The following GBP7 variants were observed in gnomAD, a reference collection of about 807,000 sequenced individuals.
GBP7 encodes guanylate-binding protein 7.
Under a neutral mutation model 61.3 loss-of-function variants are expected in GBP7, and 43 were observed. The observed-to-expected ratio is 0.70, with a 90% CI of 0.55 to 0.91. The LOEUF (loss-of-function observed/expected upper bound fraction) is 0.91, where lower values mean the gene tolerates loss of function less well. Ranked by LOEUF, GBP7 falls within the 40% of genes least tolerant of loss-of-function variation. GBP7 has a pLI of 0.00. For synonymous variants in GBP7, 267 were observed against 271.0 expected, an observed-to-expected ratio of 0.99 and a Z score of 0.14; for missense variants, 717 against 740.5, an observed-to-expected ratio of 0.97 and a Z score of 0.37.
chr1:89,136,952 T>TA (rs1681817947), intron 9 of GBP7, among the ~76,000 whole-genome samples: 1 of 151,286 alleles, frequency 6.6e-6, no homozygotes, highest in South Asian at 2.1e-4. Flanking sequence ...ATAAACACAA[T>TA]AAAAAAATGG....
At chr1:89,163,487 T>C (rs552831609) in intron 3 of GBP7, among the ~76,000 whole-genome samples, 1 of 152,214 alleles carries the variant, frequency 6.6e-6, no homozygotes, top group South Asian at 2.1e-4. Flanking sequence ...TCTTCCCAGT[T>C]AAGTCTTGAG....
At chr1:89,141,677 G>T in intron 8 of GBP7, 29 bp from the exon 9 acceptor site, 1 of 1,557,924 alleles carries the variant, frequency 6.4e-7, no homozygotes, top group Non-Finnish European at 8.9e-7. Flanking sequence ...GCAAAGACCT[G>T]TCAGGCAGCA....
chr1:89,132,193 A>G lies in GBP7; in HGVS notation c.1873T>C (p.Leu625=). The change falls in exon 11 of 11, where the codon TTA becomes CTA. Residue 625 remains leucine (L), a synonymous_variant. Coordinates refer to ENST00000294671, the MANE Select transcript of GBP7 (RefSeq NM_207398.3). The part of the protein sequence containing the change: ...VDLGMKILSS[L]CNRLRNPGKK... Reference sequence around the variant, plus strand: ...CCAGGATTTCTCAGCCTATTACATAATGAGCTAAGAATTTTCATTCCTAAA... The same window carrying G: ...CCAGGATTTCTCAGCCTATTACATAGTGAGCTAAGAATTTTCATTCCTAAA... 13 of 1,613,110 alleles carry G rather than the reference A, an allele frequency of 8.1e-6. No homozygotes were observed. The highest frequency in any genetic ancestry group is 1.3e-5 in the African/African-American group (1 of 75,024).
intron 6 of GBP7, among the ~76,000 whole-genome samples, chr1:89,149,856 G>GAA (rs59262730): frequency 6.2e-5 from 9 of 144,086 alleles, no homozygotes; most frequent in African/African-American, 1.8e-4. Flanking sequence ...AGGGTTTCTT[G>GAA]AAAAAAAAAA....
At chr1:89,153,341 A>G (rs1682246616) in intron 3 of GBP7, among the ~76,000 whole-genome samples, 1 of 152,200 alleles carries the variant, frequency 6.6e-6, no homozygotes, top group African/African-American at 2.4e-5. Context: ...GATCATGTTA[A>G]AGTCAAGCTG....
intron 3 of GBP7, among the ~76,000 whole-genome samples, chr1:89,159,699 AAGTC>A (rs1457729796): frequency 6.6e-6 from 1 of 152,236 alleles, no homozygotes; most frequent in Non-Finnish European, 1.5e-5. Context: ...AATCATTAAA[AAGTC>A]AGGAAACAAC....
At position 89,131,890 on chromosome 1, in the gene GBP7, T is replaced by C. The variant is rs1681684631; in HGVS notation, c.*259A>G. 3.4e-6 allele frequency: 1 copy of C among 294,108 alleles called. No homozygotes were observed. Among genetic ancestry groups the C allele is most frequent in the South Asian group, 8.5e-5 (1 of 11,784 alleles). The allele number at this position is 294,108 out of a possible 1,614,324, so 18.2% of individuals were successfully genotyped here. A position where few individuals can be genotyped will look rare whatever the true frequency, so the allele number is the denominator to read the frequency against. On this transcript the variant is annotated 3_prime_UTR_variant, in exon 11 of 11. Transcript: ENST00000294671. ...ATTATCTCTGTGACTATAACATTAA[T>C]TGAAAATAATTTCTTTATATTACCA...
rs781276228 is a variant in GBP7 at position 89,147,677 on chromosome 1, C to T, written c.1255G>A (p.Glu419Lys). The change falls in exon 8 of 11, where the codon GAA (glutamate) becomes AAA (lysine). Residue 419 changes from glutamate (E) to lysine (K), a missense_variant. This residue lies in a region of GBP7 where 312 missense variants were observed against 310.1 expected (regional missense o/e 1.01). Transcript: ENST00000294671. The stretch of plus-strand genomic sequence containing the variant: ...AAGAAAGTTCCTCTTGAAATACTTT[C>T]TGTCAAGAGCTCTGAAAGCCGCTTA... ...ELKRLSELLT[E>K]SISRGTFFVP... 6.2e-7 allele frequency: 1 copy of T among 1,614,158 alleles called. No individual in the cohort carries two copies. Among genetic ancestry groups the T allele is most frequent in the Non-Finnish European group, 8.5e-7 (1 of 1,179,996 alleles).
At chr1:89,149,865 A>C (rs1032618934) in intron 6 of GBP7, among the ~76,000 whole-genome samples, 35 of 152,206 alleles carry the variant, frequency 2.3e-4, no homozygotes, top group Admixed American at 2.3e-3. Context: ...TGAAAAAAAA[A>C]AACTTTTCTG....
intron 7 of GBP7, among the ~76,000 whole-genome samples, 190 bp downstream of exon 7, chr1:89,149,102 T>C (rs553970183): frequency 6.6e-6 from 1 of 152,270 alleles, no homozygotes; most frequent in Non-Finnish European, 1.5e-5. Context: ...TTCTTATGCA[T>C]GATAGAAAAT....
intron 3 of GBP7, among the ~76,000 whole-genome samples, chr1:89,153,001 A>G (rs551467831): frequency 1.3e-5 from 2 of 152,344 alleles, no homozygotes; most frequent in African/African-American, 4.8e-5. Flanking sequence ...TATTTGCCCT[A>G]AAAATATTGT....
chr1:89,160,195 A>G (rs1035935051), intron 3 of GBP7, among the ~76,000 whole-genome samples: 1 of 152,166 alleles, frequency 6.6e-6, no homozygotes, highest in Non-Finnish European at 1.5e-5. Context: ...GGAACATCAC[A>G]CACTGGGGCC....
In GBP7 at chr1:89,152,259, C is replaced by T. The variant is rs777770450; in HGVS notation, c.625+9G>A. 2.5e-6 allele frequency: 4 copies of T among 1,612,720 alleles called. No homozygotes were observed. The highest frequency in any genetic ancestry group is 1.7e-5 in the Admixed American group (1 of 59,996). ...TGAACCTTCTCCCATCTAGGCCATG[C>T]TCTGATACCTGAAATCAGCTTCAAG... On this transcript the variant is annotated intron_variant, in intron 5 of 10. Coordinates refer to ENST00000294671, the MANE Select transcript of GBP7 (RefSeq NM_207398.3).
At chr1:89,158,284 C>T (rs556991393) in intron 3 of GBP7, among the ~76,000 whole-genome samples, 1 of 152,298 alleles carries the variant, frequency 6.6e-6, no homozygotes, top group African/African-American at 2.4e-5. Context: ...GGAAGCATTC[C>T]CTTTGAAAAG....
chr1:89,139,142 A>C (rs1230432058), intron 9 of GBP7, among the ~76,000 whole-genome samples: 1 of 152,188 alleles, frequency 6.6e-6, no homozygotes, highest in Non-Finnish European at 1.5e-5. Context: ...ATAATGCCAC[A>C]TATCTACAAC....
chr1:89,133,401 G>T lies in GBP7; in HGVS notation c.1519C>A (p.Gln507Lys). 6.2e-7 allele frequency: 1 copy of T among 1,603,334 alleles called. No individual in the cohort carries two copies. The highest frequency in any genetic ancestry group is 2.2e-5 in the East Asian group (1 of 44,766). ...ATTTGCTGCTGTTCCTTCTGTTTTTGTCTTAGCAGCTCCTGTTCCTTTTCA... is the reference window on the plus strand; with the variant it reads ...ATTTGCTGCTGTTCCTTCTGTTTTTTTCTTAGCAGCTCCTGTTCCTTTTCA... ...AAEKEQELLR[Q>K]KQKEQQQMME... The change falls in exon 10 of 11, where the codon CAA becomes AAA. Residue 507 changes from glutamine (Q) to lysine (K), a missense_variant. Gln to Lys is a moderately conservative substitution (Grantham distance 53, BLOSUM62 1). This residue lies in a region of GBP7 where 312 missense variants were observed against 310.1 expected (regional missense o/e 1.01). Transcript: ENST00000294671.
intron 10 of GBP7, among the ~76,000 whole-genome samples, chr1:89,132,719 A>G (rs1473592119): frequency 6.6e-6 from 1 of 152,232 alleles, no homozygotes; most frequent in Admixed American, 6.5e-5. Flanking sequence ...TAGCAAGGCC[A>G]TGCTCATCTA....
In GBP7 at chr1:89,171,786, G is replaced by T; in HGVS notation, c.150C>A (p.Gly50=). The change falls in exon 2 of 11, where the codon GGC becomes GGA. Residue 50 remains glycine, a synonymous_variant. Coordinates refer to ENST00000294671, the MANE Select transcript of GBP7 (RefSeq NM_207398.3). Reference sequence around the variant, plus strand: ...CCAGCTTGTTCATTAGGTAGGATTTGCCTGTGCGGTAGAGGCCCACAATTG... The same window carrying T: ...CCAGCTTGTTCATTAGGTAGGATTTTCCTGTGCGGTAGAGGCCCACAATTG... ...VVAIVGLYRT[G]KSYLMNKLAG... is the part of the protein sequence containing the mutation. 1 of 1,613,316 alleles carries T rather than the reference G, an allele frequency of 6.2e-7. No homozygotes were observed.
rs770273133 is a variant in GBP7 at position 89,132,406 on chromosome 1, ATAAAAG to A, written c.1663-9_1663-4del. On this transcript the variant is annotated splice_region_variant and splice_polypyrimidine_tract_variant and intron_variant, in intron 10 of 10. Coordinates refer to ENST00000294671, the MANE Select transcript of GBP7 (RefSeq NM_207398.3). ...TCAGTAAGCAGTTCTTCTAGGACCT[ATAAAAG>A]TAAAAGAGCCTACTTTTGAAAATCC... is the stretch of plus-strand genomic sequence containing the variant. 128 of 1,574,928 alleles carry A rather than the reference ATAAAAG, an allele frequency of 8.1e-5. No individual in the cohort carries two copies. Among genetic ancestry groups the A allele is most frequent in the Non-Finnish European group, 1.0e-4 (118 of 1,167,512 alleles).
Sources: gnomAD v4.1 joint callset for allele counts (sites outside exome capture counted in the v4.1 genomes callset) on GRCh38, gnomAD v4.1.1 for gene constraint, gnomAD v4.1.1 regional missense constraint, MANE v1.5 for transcripts, NCBI Gene and HGNC (gene_info 2026-07-23, HGNC 2026-07-21) for gene names.